TLK2: variants seen among roughly 807,000 people sequenced by gnomAD.
TLK2 encodes the protein serine/threonine-protein kinase tousled-like 2.
In TLK2, 6 loss-of-function variants were observed where a neutral mutation model predicts 117.3. That is an observed-to-expected ratio of 0.05 (90% confidence interval 0.03 to 0.10). The LOEUF (loss-of-function observed/expected upper bound fraction) is 0.10, where lower values mean the gene tolerates loss of function less well. Ranked by LOEUF, TLK2 falls within the 10% of genes least tolerant of loss-of-function variation. The probability of loss-of-function intolerance (pLI) is 1.00; values close to 1 mark genes in which losing one functional copy is unlikely to be tolerated. For synonymous variants in TLK2, 257 were observed against 316.7 expected (o/e 0.81, Z 2.00); for missense variants, 299 against 901.2 (o/e 0.33, Z 8.56).
At chr17:62,508,168 GTT>G (rs34268998) in intron 2 of TLK2, among the ~76,000 whole-genome samples, 1 of 125,754 alleles carries the variant, frequency 8.0e-6, no homozygotes, top group Non-Finnish European at 1.6e-5. Context: ...AAATTTCCTA[GTT>G]TTTTTTTTTT....
chr17:62,492,941 C>G (rs540193180), intron 2 of TLK2, among the ~76,000 whole-genome samples: 1 of 151,976 alleles, frequency 6.6e-6, no homozygotes, highest in Non-Finnish European at 1.5e-5. Context: ...ACTAAAAATA[C>G]AAAAAAGTTA....
intron 5 of TLK2, 60 bp from the exon 6 acceptor site, chr17:62,524,176 C>G: frequency 6.4e-7 from 1 of 1,555,778 alleles, no homozygotes; most frequent in Non-Finnish European, 8.8e-7. Context: ...CTTTTACTCT[C>G]CTTATCTGAA....
At chr17:62,575,943 G>A (rs190763385) in intron 12 of TLK2, among the ~76,000 whole-genome samples, 131 of 152,080 alleles carry the variant, frequency 8.6e-4, no homozygotes, top group South Asian at 2.1e-3. Context: ...AGTCCTTCCC[G>A]CTCAGCTTCC....
chr17:62,554,833 C>T (rs1285425402), intron 9 of TLK2, among the ~76,000 whole-genome samples: 1 of 150,812 alleles, frequency 6.6e-6, no homozygotes, highest in Non-Finnish European at 1.5e-5. Context: ...GCCAAGTTCA[C>T]GCTGCTGTGC....
Position 62,614,785 on chromosome 17 carries a change from TTCC to T in TLK2, c.*2224_*2226del, listed in dbSNP as rs1399732381. 6.6e-6 allele frequency: 1 copy of T among 152,186 alleles called. No individual in the cohort carries two copies. Among genetic ancestry groups the T allele is most frequent in the African/African-American group, 2.4e-5 (1 of 41,442 alleles). The allele number at this position is 152,186 out of a possible 1,614,324, so 9.4% of individuals were successfully genotyped here. ...TATAGTACCTTTTTTAAAAAAACATTTCCTCCAAGCTGCTAAGCAAAGGGTCTC... is the reference window on the plus strand; with the variant it reads ...TATAGTACCTTTTTTAAAAAAACATTTCCAAGCTGCTAAGCAAAGGGTCTC... On this transcript the variant is annotated 3_prime_UTR_variant, in exon 22 of 22. Coordinates refer to ENST00000346027, the MANE Select transcript of TLK2 (RefSeq NM_006852.6).
At chr17:62,560,153 CTG>C in intron 10 of TLK2, 27 bp downstream of exon 10, 1 of 1,500,958 alleles carries the variant, frequency 6.7e-7, no homozygotes, top group Non-Finnish European at 9.2e-7. Context: ...GGTCTAAACT[CTG>C]TATCCCAAGA....
At chr17:62,485,155 G>C (rs895285680) in intron 2 of TLK2, among the ~76,000 whole-genome samples, 1 of 152,222 alleles carries the variant, frequency 6.6e-6, no homozygotes, top group Non-Finnish European at 1.5e-5. Flanking sequence ...CCCTGTGATG[G>C]TGCCATCTAG....
At chr17:62,546,589 C>A (rs990630836) in intron 7 of TLK2, among the ~76,000 whole-genome samples, 15 of 144,880 alleles carry the variant, frequency 1.0e-4, no homozygotes, top group Non-Finnish European at 2.1e-4. Flanking sequence ...TGAGTCTCAC[C>A]ATGTCACCCA....
At chr17:62,510,211 G>A (rs1261261764) in intron 2 of TLK2, among the ~76,000 whole-genome samples, 2 of 152,152 alleles carry the variant, frequency 1.3e-5, no homozygotes, top group African/African-American at 2.4e-5. Context: ...GGTCAAGACT[G>A]CAGTGAGCCA....
intron 11 of TLK2, among the ~76,000 whole-genome samples, chr17:62,571,758 CT>C (rs1046535250): frequency 4.6e-5 from 7 of 152,074 alleles, no homozygotes; most frequent in Non-Finnish European, 1.0e-4. Flanking sequence ...TTAGAGTAAT[CT>C]TGGTTTTCTG....
chr17:62,580,084 G>C, intron 14 of TLK2, 27 bp from the exon 15 acceptor site: 5 of 1,594,522 alleles, frequency 3.1e-6, no homozygotes, highest in Non-Finnish European at 2.6e-6. Flanking sequence ...ATGATCTCAG[G>C]GTGTTACATG....
At chr17:62,536,059 T>A in intron 6 of TLK2, 111 bp from the exon 7 acceptor site, 3 of 1,303,720 alleles carry the variant, frequency 2.3e-6, no homozygotes, top group Non-Finnish European at 3.1e-6. Flanking sequence ...GAGGCCTTTT[T>A]AAATAAACCA....
At chr17:62,589,523 T>C (rs1434999991) in intron 16 of TLK2, among the ~76,000 whole-genome samples, 1 of 152,204 alleles carries the variant, frequency 6.6e-6, no homozygotes. Context: ...GCCTTGCTGA[T>C]GAAGTAAGAG....
chr17:62,536,568 C>G (rs546586972), intron 7 of TLK2, among the ~76,000 whole-genome samples: 1 of 152,098 alleles, frequency 6.6e-6, no homozygotes, highest in African/African-American at 2.4e-5. Flanking sequence ...ACTGCTTTGT[C>G]AAAGCCTGAA....
In TLK2 at chr17:62,612,450, T is replaced by A; in HGVS notation, c.2138T>A (p.Leu713Gln). Residue 713 changes from leucine to glutamine, a missense_variant, in exon 22 of 22, where the codon CTG becomes CAG. Around this residue, in one of 4 missense-constraint regions of TLK2, gnomAD observed 81 missense variants for 370.9 expected, o/e 0.22. Transcript: ENST00000346027. ...GAGGACCGCATTGATGTCCAGCAGC[T>A]GGCCTGTGATCCCTACTTGTTGCCT... ...RKEDRIDVQQ[L>Q]ACDPYLLPHI... 6.2e-7 allele frequency: 1 copy of A among 1,614,222 alleles called. No homozygotes were observed. Among genetic ancestry groups the A allele is most frequent in the Non-Finnish European group, 8.5e-7 (1 of 1,180,036 alleles).
chr17:62,564,640 A>G (rs900736099), intron 10 of TLK2, among the ~76,000 whole-genome samples: 1 of 151,496 alleles, frequency 6.6e-6, no homozygotes, highest in Non-Finnish European at 1.5e-5. Context: ...CCCGGGAAGA[A>G]GAGGCTGCAG....
chr17:62,602,823 A>G (rs1305885136), intron 19 of TLK2, among the ~76,000 whole-genome samples: 2 of 152,056 alleles, frequency 1.3e-5, no homozygotes, highest in Non-Finnish European at 2.9e-5. Context: ...TCTGCCTACT[A>G]TTACCTTTGG....
intron 2 of TLK2, among the ~76,000 whole-genome samples, chr17:62,487,216 A>T (rs544040988): frequency 6.6e-6 from 1 of 151,822 alleles, no homozygotes; most frequent in South Asian, 2.1e-4. Flanking sequence ...CACTTGAACC[A>T]GGGAGTCGGA....
intron 11 of TLK2, among the ~76,000 whole-genome samples, chr17:62,565,651 CAA>C (rs5821367): frequency 5.9e-5 from 6 of 101,172 alleles, no homozygotes; most frequent in Admixed American, 1.2e-4. Context: ...GACTCCATCT[CAA>C]AAAAAAAAAA....
Sources: gnomAD v4.1 joint callset for allele counts (sites outside exome capture counted in the v4.1 genomes callset) on GRCh38, gnomAD v4.1.1 for gene constraint, gnomAD v4.1.1 regional missense constraint, MANE v1.5 for transcripts, NCBI Gene and HGNC (gene_info 2026-07-23, HGNC 2026-07-21) for gene names.